Variants in CPNE8 observed in about 807,000 individuals in gnomAD.
CPNE8 encodes copine 8.
In CPNE8, 45 loss-of-function variants were observed where a neutral mutation model predicts 81.5. The observed-to-expected ratio is 0.55, with a 90% CI of 0.44 to 0.71. The LOEUF (loss-of-function observed/expected upper bound fraction) is 0.71. CPNE8 is among the 30% of genes least tolerant of loss of function. CPNE8 has a pLI of 0.00. For missense variants in CPNE8, 594 were observed against 672.1 expected (o/e 0.88, Z 1.28); for synonymous variants, 252 against 226.3 (o/e 1.11, Z -1.02).
intron 3 of CPNE8, among the ~76,000 whole-genome samples, chr12:38,859,406 C>T (rs563639817): frequency 6.6e-6 from 1 of 152,028 alleles, no homozygotes; most frequent in South Asian, 2.1e-4. Flanking sequence ...AGACACTGAA[C>T]ACAAAGCATG....
At position 38,706,220 on chromosome 12, in the gene CPNE8, T is replaced by C. The variant is rs376817139; in HGVS notation, c.915-3299A>G. On this transcript the variant is annotated intron_variant, in intron 13 of 19. Coordinates refer to ENST00000331366, the MANE Select transcript of CPNE8 (RefSeq NM_153634.3). ...TATTATTAATATTATGCCATAATCC[T>C]AGAAAAAAACTAAACAGATGTTCTT... is the stretch of plus-strand genomic sequence containing the variant. 9.1e-4 allele frequency among the ~76,000 whole-genome samples: 138 copies of C among 152,236 alleles called. 4 individuals are homozygous for C. The East Asian group carries it at 0.011, about 13-fold the overall frequency.
At chr12:38,817,835 G>T (rs1943052306) in intron 6 of CPNE8, among the ~76,000 whole-genome samples, 2 of 152,002 alleles carry the variant, frequency 1.3e-5, no homozygotes. Context: ...GTGTTAGCCA[G>T]GATGGTCTCG....
At chr12:38,775,744 G>A (rs1473148856) in intron 7 of CPNE8, among the ~76,000 whole-genome samples, 1 of 152,150 alleles carries the variant, frequency 6.6e-6, no homozygotes, top group Non-Finnish European at 1.5e-5. Flanking sequence ...TGTAGTGGCA[G>A]CTAATCCTTT....
chr12:38,744,003 C>G (rs2136803815), intron 10 of CPNE8, among the ~76,000 whole-genome samples: 1 of 152,270 alleles, frequency 6.6e-6, no homozygotes, highest in East Asian at 1.9e-4. Flanking sequence ...GAATAAATAG[C>G]TAAACATATT....
chr12:38,728,166 A>G (rs1940746181), intron 11 of CPNE8, among the ~76,000 whole-genome samples: 1 of 152,202 alleles, frequency 6.6e-6, no homozygotes, highest in Non-Finnish European at 1.5e-5. Flanking sequence ...AACAACAACA[A>G]AAATAAGATA....
At chr12:38,771,262 A>T (rs1399339664) in intron 7 of CPNE8, among the ~76,000 whole-genome samples, 1 of 151,466 alleles carries the variant, frequency 6.6e-6, no homozygotes, top group African/African-American at 2.4e-5. Flanking sequence ...GGAGTTCAAG[A>T]CCAGCCTGGA....
chr12:38,887,920 G>A (rs1407341300), intron 1 of CPNE8, among the ~76,000 whole-genome samples: 7 of 152,096 alleles, frequency 4.6e-5, no homozygotes, highest in African/African-American at 1.7e-4. Context: ...CCACATTTCA[G>A]CTCACTTGCT....
intron 15 of CPNE8, among the ~76,000 whole-genome samples, chr12:38,687,223 A>G (rs1011573480): frequency 6.6e-6 from 1 of 152,134 alleles, no homozygotes; most frequent in African/African-American, 2.4e-5. Flanking sequence ...ACCCCACTTT[A>G]TAAAGAAACC....
intron 6 of CPNE8, among the ~76,000 whole-genome samples, 180 bp from the exon 7 acceptor site, chr12:38,776,481 T>A (rs1391363321): frequency 6.6e-6 from 1 of 151,808 alleles, no homozygotes; most frequent in South Asian, 2.1e-4. Flanking sequence ...AAATTTTGTA[T>A]GTTTTTTTAG....
chr12:38,822,903 A>C (rs1234099455), intron 6 of CPNE8, among the ~76,000 whole-genome samples: 4 of 152,190 alleles, frequency 2.6e-5, no homozygotes, highest in Non-Finnish European at 5.9e-5. Context: ...TAACAATATC[A>C]ATTTAATTAA....
intron 6 of CPNE8, among the ~76,000 whole-genome samples, chr12:38,793,052 C>T (rs1436862756): frequency 6.6e-6 from 1 of 151,512 alleles, no homozygotes; most frequent in East Asian, 1.9e-4. Context: ...ATGATAAAAA[C>T]TAGAAACAGA....
intron 1 of CPNE8, among the ~76,000 whole-genome samples, chr12:38,896,573 G>A (rs1944391984): frequency 6.6e-6 from 1 of 152,006 alleles, no homozygotes; most frequent in Non-Finnish European, 1.5e-5. Flanking sequence ...TGACTTTATT[G>A]AGCAGATACA....
intron 1 of CPNE8, 152 bp downstream of exon 1, chr12:38,905,285 C>T: frequency 1.3e-6 from 1 of 793,162 alleles, no homozygotes; most frequent in East Asian, 2.7e-5. Flanking sequence ...GTCACCTGAC[C>T]CGGGGTAACT....
At chr12:38,654,155 G>A in intron 19 of CPNE8, 85 bp from the exon 20 acceptor site, 1 of 1,426,566 alleles carries the variant, frequency 7.0e-7, no homozygotes, top group Non-Finnish European at 9.2e-7. Context: ...GTACACATTT[G>A]GTCATAGGAA....
intron 19 of CPNE8, among the ~76,000 whole-genome samples, chr12:38,668,541 A>G (rs781350517): frequency 2.0e-5 from 3 of 152,244 alleles, no homozygotes; most frequent in Non-Finnish European, 4.4e-5. Flanking sequence ...AAATAGAACT[A>G]TGAGATATGA....
chr12:38,905,819 C>G (rs1312585553), upstream of CPNE8: 22 of 985,214 alleles, frequency 2.2e-5, no homozygotes, highest in Non-Finnish European at 2.7e-5. Context: ...GGGCGGGGGA[C>G]ACACTCCGTG....
In CPNE8 at chr12:38,886,465, A is replaced by G. The variant is rs112895322; in HGVS notation, c.99-11954T>C. The stretch of plus-strand genomic sequence containing the variant: ...TGTGCAATGCCCTAAATTAAGTGAT[A>G]AAGCCCTAAACTGTGATTAAGGAAA... On this transcript the variant is annotated intron_variant, in intron 1 of 19. Coordinates refer to ENST00000331366, the MANE Select transcript of CPNE8 (RefSeq NM_153634.3). 7.5e-4 allele frequency among the ~76,000 whole-genome samples: 114 copies of G among 152,320 alleles called. 1 individual carries two copies. Among genetic ancestry groups the G allele is most frequent in the African/African-American group, 2.2e-3 (92 of 41,576 alleles).
chr12:38,881,142 G>A (rs1944150221), intron 1 of CPNE8, among the ~76,000 whole-genome samples: 1 of 151,556 alleles, frequency 6.6e-6, no homozygotes, highest in Non-Finnish European at 1.5e-5. Flanking sequence ...CCCGGGAGGC[G>A]GAGCTTGCAG....
In CPNE8 at chr12:38,776,222, A is replaced by G; in HGVS notation, c.471+16T>C. The G allele has an allele frequency of 6.9e-7, 1 of 1,441,600 alleles. No individual in the cohort carries two copies. Among genetic ancestry groups the G allele is most frequent in the South Asian group, 1.4e-5 (1 of 73,376 alleles). 89.3% of individuals were successfully genotyped at this position (1,441,600 alleles called of 1,614,324 possible). ...AGTATGGAAGTATTTTCTAAACCAA[A>G]GAAATATTTACTTACCCTGCAACAG... On this transcript the variant is annotated intron_variant, in intron 7 of 19. Transcript: ENST00000331366.
Sources: gnomAD v4.1 joint callset for allele counts (sites outside exome capture counted in the v4.1 genomes callset) on GRCh38, gnomAD v4.1.1 for gene constraint, MANE v1.5 for transcripts, NCBI Gene and HGNC (gene_info 2026-07-23, HGNC 2026-07-21) for gene names.